ADGRL2: variants seen among roughly 807,000 people sequenced by gnomAD.
The protein encoded by ADGRL2 is calcium-independent alpha-latrotoxin receptor 2.
ADGRL2 carries 44 observed loss-of-function variants against 157.4 expected under a neutral mutation model. That is an observed-to-expected ratio of 0.28 (90% CI 0.22 to 0.36). The LOEUF (loss-of-function observed/expected upper bound fraction) is 0.36, where lower values mean the gene tolerates loss of function less well. Among genes scored for constraint, ADGRL2 ranks in the 10% least tolerant of loss-of-function variants. ADGRL2 has a pLI of 1.00. For synonymous variants in ADGRL2, 585 were observed against 624.7 expected, an observed-to-expected ratio of 0.94 and a Z score of 0.95; for missense variants, 1,510 against 1,768.9, an observed-to-expected ratio of 0.85 and a Z score of 2.63.
intron 2 of ADGRL2, among the ~76,000 whole-genome samples, chr1:81,521,684 CT>C (rs1364004006): frequency 2.0e-5 from 3 of 152,126 alleles, no homozygotes; most frequent in African/African-American, 4.8e-5. Context: ...TGGTTTTTCA[CT>C]TTCTGGGTCA....
intron 3 of ADGRL2, among the ~76,000 whole-genome samples, chr1:81,917,114 G>A (rs1430055969): frequency 6.6e-6 from 1 of 151,884 alleles, no homozygotes; most frequent in Non-Finnish European, 1.5e-5. Flanking sequence ...ACAAGCATGA[G>A]CAACCACTCC....
chr1:81,922,669 C>G (rs944292216), intron 3 of ADGRL2, among the ~76,000 whole-genome samples: 1 of 152,054 alleles, frequency 6.6e-6, no homozygotes, highest in Non-Finnish European at 1.5e-5. Flanking sequence ...TAGGATATAA[C>G]AGCACGTAAT....
At chr1:81,383,119 G>T (rs974476833) in intron 1 of ADGRL2, among the ~76,000 whole-genome samples, 1 of 152,124 alleles carries the variant, frequency 6.6e-6, no homozygotes, top group African/African-American at 2.4e-5. Context: ...CTTTCCATAC[G>T]CTGCTCCAGT....
At chr1:81,661,589 C>T (rs958953292) in intron 3 of ADGRL2, among the ~76,000 whole-genome samples, 2 of 152,138 alleles carry the variant, frequency 1.3e-5, no homozygotes, top group African/African-American at 4.8e-5. Context: ...TAAAAAATGA[C>T]CTTACACAGT....
intron 3 of ADGRL2, among the ~76,000 whole-genome samples, chr1:81,667,140 C>A (rs2082766904): frequency 6.6e-6 from 1 of 152,144 alleles, no homozygotes; most frequent in Non-Finnish European, 1.5e-5. Flanking sequence ...ATTCATGACT[C>A]TAACAAAAGA....
At chr1:81,797,553 A>G (rs1278495568), upstream of ADGRL2, among the ~76,000 whole-genome samples, 1 of 152,116 alleles carries the variant, frequency 6.6e-6, no homozygotes, top group East Asian at 1.9e-4. Context: ...ACTGTGTTCT[A>G]TTGGCTTACA....
chr1:81,772,053 C>T (rs2086392883), intron 2 of ADGRL2, among the ~76,000 whole-genome samples: 1 of 152,016 alleles, frequency 6.6e-6, no homozygotes, highest in Admixed American at 6.6e-5. Context: ...AGTTTGAGAC[C>T]AGCTTGGCCA....
intron 2 of ADGRL2, among the ~76,000 whole-genome samples, chr1:81,868,192 T>C (rs1397629638): frequency 1.3e-5 from 2 of 152,042 alleles, no homozygotes; most frequent in East Asian, 1.9e-4. Context: ...GCTAATACTG[T>C]TGAAACAAAA....
intron 2 of ADGRL2, among the ~76,000 whole-genome samples, chr1:81,905,947 AGTGTGTGTGTGTGTGT>A (rs3046460): frequency 1.4e-5 from 2 of 144,482 alleles, no homozygotes; most frequent in African/African-American, 2.5e-5. Flanking sequence ...AAAAAAGCAG[AGTGTGTGTGTGTGTGT>A]GTGTGTGTGT....
intron 17 of ADGRL2, among the ~76,000 whole-genome samples, chr1:81,976,660 G>A (rs1305831108): frequency 6.6e-6 from 1 of 151,778 alleles, no homozygotes; most frequent in East Asian, 1.9e-4. Flanking sequence ...GTGATATTTA[G>A]CAATGTAAAA....
chr1:81,530,078 A>G (rs1236676757), intron 2 of ADGRL2, among the ~76,000 whole-genome samples: 1 of 152,184 alleles, frequency 6.6e-6, no homozygotes, highest in African/African-American at 2.4e-5. Flanking sequence ...TTGTCACTCA[A>G]TATGCACTGG....
intron 2 of ADGRL2, among the ~76,000 whole-genome samples, chr1:81,544,988 C>G (rs997415016): frequency 6.6e-6 from 1 of 152,142 alleles, no homozygotes; most frequent in African/African-American, 2.4e-5. Context: ...CTCCAAGAGC[C>G]TGGGTATACG....
chr1:81,865,294 C>T (rs1162540706), intron 2 of ADGRL2, among the ~76,000 whole-genome samples: 3 of 152,136 alleles, frequency 2.0e-5, no homozygotes, highest in Non-Finnish European at 4.4e-5. Flanking sequence ...TGAATGACAG[C>T]CATGTCTGAA....
At chr1:81,829,140 G>A (rs953233668) in intron 1 of ADGRL2, among the ~76,000 whole-genome samples, 1 of 152,028 alleles carries the variant, frequency 6.6e-6, no homozygotes, top group Non-Finnish European at 1.5e-5. Flanking sequence ...TCGAACTCCT[G>A]ACCTCAGGCA....
intron 2 of ADGRL2, among the ~76,000 whole-genome samples, chr1:81,890,673 G>T (rs2094238580): frequency 6.6e-6 from 1 of 152,078 alleles, no homozygotes; most frequent in Non-Finnish European, 1.5e-5. Flanking sequence ...CACACATCAC[G>T]CAGGGGAAAT....
At chr1:81,501,983 C>T in intron 2 of ADGRL2, 1 of 1,612,782 alleles carries the variant, frequency 6.2e-7, no homozygotes, top group Non-Finnish European at 8.5e-7. Context: ...TCCCTTAGGT[C>T]CCTTAGCCAG....
At chr1:81,340,928 T>C (rs1057341744) in intron 1 of ADGRL2, among the ~76,000 whole-genome samples, 1 of 151,932 alleles carries the variant, frequency 6.6e-6, no homozygotes, top group African/African-American at 2.4e-5. Context: ...TTAAAGATCT[T>C]AAAGGAGAAA....
At chr1:81,690,125 T>C (rs1570843425) in intron 3 of ADGRL2, among the ~76,000 whole-genome samples, 1 of 152,196 alleles carries the variant, frequency 6.6e-6, no homozygotes, top group African/African-American at 2.4e-5. Context: ...TTTTTCACTG[T>C]AACCCATACT....
chr1:81,364,153 A>G (rs1570732198), intron 1 of ADGRL2, among the ~76,000 whole-genome samples: 3 of 152,098 alleles, frequency 2.0e-5, no homozygotes, highest in Admixed American at 2.0e-4. Flanking sequence ...AGACTAAAAA[A>G]ATTGGGAGAG....
Sources: allele counts gnomAD v4.1 joint callset (sites outside exome capture counted in the v4.1 genomes callset), GRCh38; gene constraint gnomAD v4.1.1; transcripts MANE v1.5; gene names NCBI Gene and HGNC (gene_info 2026-07-23, HGNC 2026-07-21).